The following RBFOX1 variants were observed in gnomAD, a reference collection of about 807,000 sequenced individuals.
The protein encoded by RBFOX1 is RNA binding fox-1 homolog 1.
RBFOX1 carries 8 observed loss-of-function variants against 57.7 expected under a neutral mutation model. That is an observed-to-expected ratio of 0.14 (90% CI 0.08 to 0.25). The LOEUF (loss-of-function observed/expected upper bound fraction) is 0.25, where lower values mean the gene tolerates loss of function less well. Ranked by LOEUF, RBFOX1 falls within the 10% of genes least tolerant of loss-of-function variation. The pLI is 1.00. For missense variants in RBFOX1, 611 were observed against 548.5 expected (o/e 1.11, Z -1.14); for synonymous variants, 326 against 222.4 (o/e 1.47, Z -4.15).
At chr16:6,514,792 G>A (rs776647118) in intron 2 of RBFOX1, among the ~76,000 whole-genome samples, 1 of 151,926 alleles carries the variant, frequency 6.6e-6, no homozygotes, top group African/African-American at 2.4e-5. Context: ...AAGTGATGGA[G>A]AAAAATGGTG....
intron 4 of RBFOX1, among the ~76,000 whole-genome samples, chr16:7,409,380 G>A (rs1237745351): frequency 6.6e-6 from 1 of 152,174 alleles, no homozygotes; most frequent in Non-Finnish European, 1.5e-5. Context: ...TATTCATTGT[G>A]GAGGCAACAG....
intron 4 of RBFOX1, among the ~76,000 whole-genome samples, chr16:7,365,489 T>C (rs28616210): frequency 5.1e-4 from 78 of 152,200 alleles, no homozygotes; most frequent in African/African-American, 1.0e-3. Context: ...GTGATTTTTT[T>C]CCCCCCCACA....
At chr16:5,491,568 A>G (rs1352686858) in intron 2 of RBFOX1, among the ~76,000 whole-genome samples, 2 of 152,232 alleles carry the variant, frequency 1.3e-5, no homozygotes, top group East Asian at 3.8e-4. Flanking sequence ...TCTTACAGCA[A>G]TCAAAATAGA....
At chr16:6,667,632 A>G in intron 3 of RBFOX1, among the ~76,000 whole-genome samples, 1 of 152,082 alleles carries the variant, frequency 6.6e-6, no homozygotes, top group East Asian at 1.9e-4. Flanking sequence ...CTGGAATCCT[A>G]GCGCTTTTTG....
intron 4 of RBFOX1, among the ~76,000 whole-genome samples, chr16:7,351,580 C>A (rs939920910): frequency 2.6e-5 from 4 of 152,134 alleles, no homozygotes; most frequent in Non-Finnish European, 5.9e-5. Flanking sequence ...AATGATGGTG[C>A]GGTGGATCAT....
rs984939369 is a variant in RBFOX1 at position 5,901,061 on chromosome 16, A to C, written c.351+33726A>C. On this transcript the variant is annotated intron_variant, in intron 4 of 19. Coordinates refer to the RBFOX1 transcript ENST00000641259. ...TGCCTCCTCTCCATTATTCCAGAGC[A>C]CCAGCCCTTCTTCACTCTGTGCTGT... Among the ~76,000 whole-genome samples, 19 of 152,308 alleles carry C rather than the reference A, an allele frequency of 1.2e-4. No individual in the cohort carries two copies. The South Asian group carries it at 1.7e-3, about 13-fold the overall frequency.
At chr16:5,290,164 ACG>A (rs1017952943) in intron 1 of RBFOX1, among the ~76,000 whole-genome samples, 1 of 152,226 alleles carries the variant, frequency 6.6e-6, no homozygotes, top group Non-Finnish European at 1.5e-5. Context: ...TGTCCAGAAC[ACG>A]CAAATCTATG....
At chr16:6,915,123 C>T (rs7203392) in intron 3 of RBFOX1, among the ~76,000 whole-genome samples, 112,401 of 152,088 alleles carry the variant, frequency 0.74, 41,961 homozygotes, top group East Asian at 0.9. Flanking sequence ...TCCAGCTAAT[C>T]AGTGGCGGAG....
chr16:7,595,739 C>A, intron 8 of RBFOX1, 98 bp downstream of exon 8: 2 of 705,354 alleles, frequency 2.8e-6, no homozygotes, highest in East Asian at 3.7e-5. Flanking sequence ...TTGTATGTGA[C>A]CCTATTCCCC....
intron 2 of RBFOX1, among the ~76,000 whole-genome samples, chr16:5,515,425 G>T (rs553739435): frequency 6.6e-6 from 1 of 152,342 alleles, no homozygotes; most frequent in South Asian, 2.1e-4. Flanking sequence ...GGGGCAGATT[G>T]TTTGTGAAGA....
intron 1 of RBFOX1, among the ~76,000 whole-genome samples, chr16:5,405,107 A>G (rs181681179): frequency 2.0e-4 from 31 of 152,330 alleles, no homozygotes; most frequent in Admixed American, 4.6e-4. Context: ...TCACACAGCT[A>G]TTAAGTGTCA....
chr16:7,700,767 G>C (rs543050909), intron 14 of RBFOX1, among the ~76,000 whole-genome samples: 1 of 152,260 alleles, frequency 6.6e-6, no homozygotes, highest in Non-Finnish European at 1.5e-5. Flanking sequence ...TCTACTCCGA[G>C]AGTGGCTGCT....
At chr16:7,258,816 T>A (rs904794047) in intron 4 of RBFOX1, among the ~76,000 whole-genome samples, 5 of 152,178 alleles carry the variant, frequency 3.3e-5, no homozygotes, top group African/African-American at 1.2e-4. Context: ...CTGATGTCAT[T>A]TCATGCTTTG....
chr16:6,610,644 C>T (rs1027042874), intron 2 of RBFOX1, among the ~76,000 whole-genome samples: 1 of 152,122 alleles, frequency 6.6e-6, no homozygotes, highest in Non-Finnish European at 1.5e-5. Context: ...CAACATTATC[C>T]TGATTATACA....
intron 3 of RBFOX1, among the ~76,000 whole-genome samples, chr16:5,790,391 G>A (rs2054650115): frequency 6.6e-6 from 1 of 152,138 alleles, no homozygotes; most frequent in South Asian, 2.1e-4. Flanking sequence ...GAAGGATGGG[G>A]CCGTAGGAAT....
intron 2 of RBFOX1, among the ~76,000 whole-genome samples, chr16:5,541,611 G>T (rs1303899707): frequency 1.3e-5 from 2 of 152,116 alleles, no homozygotes; most frequent in African/African-American, 4.8e-5. Flanking sequence ...GCGAGCAGAG[G>T]GAAGAGTTTG....
At chr16:6,496,649 C>A (rs959740817) in intron 2 of RBFOX1, among the ~76,000 whole-genome samples, 1 of 152,090 alleles carries the variant, frequency 6.6e-6, no homozygotes, top group Non-Finnish European at 1.5e-5. Flanking sequence ...CTTGGGGAAA[C>A]ACATCACAGC....
intron 3 of RBFOX1, among the ~76,000 whole-genome samples, chr16:6,729,150 A>G (rs555352967): frequency 1.7e-4 from 26 of 152,154 alleles, no homozygotes; most frequent in Non-Finnish European, 3.8e-4. Context: ...TTTTGCTGAT[A>G]TTTTCTTCTT....
At chr16:6,266,603 A>T (rs548491949) in intron 1 of RBFOX1, among the ~76,000 whole-genome samples, 1 of 151,830 alleles carries the variant, frequency 6.6e-6, no homozygotes, top group Non-Finnish European at 1.5e-5. Context: ...AATCCCAGCT[A>T]CTCAGGGGGC....
Sources: allele counts gnomAD v4.1 joint callset (sites outside exome capture counted in the v4.1 genomes callset), GRCh38; gene constraint gnomAD v4.1.1; transcripts MANE v1.5; gene names NCBI Gene and HGNC (gene_info 2026-07-23, HGNC 2026-07-21).